ZFPM2: variants seen among roughly 807,000 people sequenced by gnomAD.
ZFPM2 encodes zinc finger protein, FOG family member 2.
ZFPM2 carries 20 observed loss-of-function variants against 98.6 expected under a neutral mutation model. The ratio of observed to expected loss-of-function variants is 0.20; its 90% CI spans 0.14 to 0.29. The LOEUF (loss-of-function observed/expected upper bound fraction) is 0.29, where lower values mean the gene tolerates loss of function less well. Ranked by LOEUF, ZFPM2 falls within the 10% of genes least tolerant of loss-of-function variation. ZFPM2 has a pLI of 1.00. For missense variants in ZFPM2, 1,310 were observed against 1,388.6 expected (o/e 0.94, Z 0.90); for synonymous variants, 518 against 502.7 (o/e 1.03, Z -0.41).
Position 105,658,343 on chromosome 8 carries a change from C to T in ZFPM2, c.532+23986C>T, listed in dbSNP as rs562620753. On this transcript the variant is annotated intron_variant, in intron 5 of 7. Transcript: ENST00000407775. ...GTGGCTCACGCCTGTAATCCCAGCA[C>T]TTTGGGAGGCCGAGGCGGGTGGATC... is the stretch of plus-strand genomic sequence containing the variant. 3.0e-3 allele frequency among the ~76,000 whole-genome samples: 127 copies of T among 42,180 alleles called. 43 individuals are homozygous for T. The highest frequency in any genetic ancestry group is 0.015 in the African/African-American group (121 of 7,828). 27.7% of individuals were successfully genotyped at this position (42,180 alleles called of 152,430 possible). A position where few individuals can be genotyped will look rare whatever the true frequency, so the allele number is the denominator to read the frequency against.
At chr8:105,359,946 T>G (rs1465004029) in intron 1 of ZFPM2, among the ~76,000 whole-genome samples, 1 of 152,208 alleles carries the variant, frequency 6.6e-6, no homozygotes, top group Non-Finnish European at 1.5e-5. Flanking sequence ...GCCCACAGTC[T>G]TCTCTAAGAG....
chr8:105,719,548 A>G (rs1811607774), intron 5 of ZFPM2, among the ~76,000 whole-genome samples: 2 of 151,916 alleles, frequency 1.3e-5, no homozygotes, highest in Admixed American at 1.3e-4. Context: ...ATATTACCTA[A>G]TTTCCCTAAA....
chr8:105,474,866 A>AGCT (rs1204287670), intron 3 of ZFPM2, among the ~76,000 whole-genome samples: 3 of 84,378 alleles, frequency 3.6e-5, no homozygotes, highest in East Asian at 1.1e-3. Flanking sequence ...AAACATCTTT[A>AGCT]GCTTCTTCTT....
chr8:105,724,905 A>G (rs1158211831), intron 5 of ZFPM2, among the ~76,000 whole-genome samples: 1 of 151,662 alleles, frequency 6.6e-6, no homozygotes, highest in Non-Finnish European at 1.5e-5. Flanking sequence ...ATTGTCACAA[A>G]TCTCCAAAAT....
At chr8:105,441,586 C>T (rs143800600) in intron 2 of ZFPM2, among the ~76,000 whole-genome samples, 317 of 152,036 alleles carry the variant, frequency 2.1e-3, no homozygotes, top group African/African-American at 6.1e-3. Context: ...AGGAAGAGAG[C>T]GGATTGGGGC....
chr8:105,511,698 A>G (rs974068555), intron 3 of ZFPM2, among the ~76,000 whole-genome samples: 8 of 152,206 alleles, frequency 5.3e-5, no homozygotes, highest in Admixed American at 4.6e-4. Context: ...CAAGCTAGTA[A>G]TTTATTTTAG....
intron 1 of ZFPM2, among the ~76,000 whole-genome samples, chr8:105,411,089 T>A (rs1481020): frequency 0.25 from 38,330 of 151,676 alleles, 5,073 homozygotes; most frequent in Admixed American, 0.32. Flanking sequence ...TAGATTTTTT[T>A]AAAATTTGCC....
Position 105,423,492 on chromosome 8 carries a change from T to G in ZFPM2, c.199+4190T>G, listed in dbSNP as rs534696527. Among the ~76,000 whole-genome samples the G allele has an allele frequency of 7.9e-5, 12 of 152,356 alleles. No homozygotes were observed. The East Asian group carries it at 2.1e-3, about 27-fold the overall frequency. On this transcript the variant is annotated intron_variant, in intron 2 of 7. Transcript: ENST00000407775. The stretch of plus-strand genomic sequence containing the variant: ...CATTGTCATCTTTTGTTTATGAGTT[T>G]AGAGTACGTGGCATCTTGCCTTACA...
At chr8:105,618,275 A>T (rs949174940) in intron 4 of ZFPM2, among the ~76,000 whole-genome samples, 6 of 152,170 alleles carry the variant, frequency 3.9e-5, no homozygotes, top group Non-Finnish European at 5.9e-5. Context: ...TATGTTTCTT[A>T]TAGATTTGCT....
chr8:105,616,676 T>TAAC, intron 4 of ZFPM2: 1 of 391,846 alleles, frequency 2.6e-6, no homozygotes, highest in Non-Finnish European at 5.1e-6. Context: ...ATAATAATAA[T>TAAC]AATAATAAGG....
rs1664431804 is a variant in ZFPM2, at chr8:105,467,873, A to T, written c.301+23492A>T. ...ATTAAAATCTGTATGCATAAAAAAGACAGTGATTTGGGGTTCATTGGAAGG... is the reference window on the plus strand; with the variant it reads ...ATTAAAATCTGTATGCATAAAAAAGTCAGTGATTTGGGGTTCATTGGAAGG... On this transcript the variant is annotated intron_variant, in intron 3 of 7. Transcript: ENST00000407775. Among the ~76,000 whole-genome samples, 6 of 152,128 alleles carry T rather than the reference A, an allele frequency of 3.9e-5. No individual in the cohort carries two copies. In the South Asian group the frequency reaches 1.2e-3, roughly 32 times the overall value.
chr8:105,529,604 C>G, intron 3 of ZFPM2, among the ~76,000 whole-genome samples: 1 of 120,684 alleles, frequency 8.3e-6, no homozygotes, highest in Non-Finnish European at 1.7e-5. Flanking sequence ...TTTGGAATTT[C>G]TTAAAGTCAC....
At chr8:105,418,452 C>G (rs1411778190) in intron 1 of ZFPM2, 1 of 455,544 alleles carries the variant, frequency 2.2e-6, no homozygotes, top group Non-Finnish European at 4.3e-6. Flanking sequence ...TGTAGCGCAC[C>G]TCACTCTCAT....
intron 1 of ZFPM2, among the ~76,000 whole-genome samples, chr8:105,410,416 CTGT>C (rs1437253722): frequency 6.6e-6 from 1 of 151,840 alleles, no homozygotes; most frequent in Admixed American, 6.6e-5. Context: ...GCTACTGCTT[CTGT>C]TGTTGTTTTA....
chr8:105,519,128 A>C (rs1366484909), intron 3 of ZFPM2, among the ~76,000 whole-genome samples: 1 of 152,162 alleles, frequency 6.6e-6, no homozygotes, highest in Non-Finnish European at 1.5e-5. Context: ...TTTATATGTG[A>C]AAAATACTGA....
At chr8:105,446,223 G>T (rs1341377253) in intron 3 of ZFPM2, among the ~76,000 whole-genome samples, 1 of 152,112 alleles carries the variant, frequency 6.6e-6, no homozygotes, top group Non-Finnish European at 1.5e-5. Context: ...CCCGGCGATA[G>T]TTCCTTATTC....
intron 3 of ZFPM2, among the ~76,000 whole-genome samples, chr8:105,529,973 C>T (rs575197869): frequency 2.0e-5 from 3 of 152,182 alleles, no homozygotes; most frequent in East Asian, 3.9e-4. Context: ...TCAAGTGATC[C>T]ACCTGCCTCG....
intron 2 of ZFPM2, among the ~76,000 whole-genome samples, chr8:105,441,984 T>G (rs1812260422): frequency 6.6e-6 from 1 of 152,092 alleles, no homozygotes; most frequent in South Asian, 2.1e-4. Flanking sequence ...ATGGTGTGCC[T>G]TTATGCTTGC....
intron 3 of ZFPM2, among the ~76,000 whole-genome samples, chr8:105,509,699 T>G (rs1198157601): frequency 6.6e-6 from 1 of 152,106 alleles, no homozygotes; most frequent in Non-Finnish European, 1.5e-5. Flanking sequence ...GAACTTTACA[T>G]TATCCTTTTC....
Sources: gnomAD v4.1 joint callset for allele counts (sites outside exome capture counted in the v4.1 genomes callset) on GRCh38, gnomAD v4.1.1 for gene constraint, MANE v1.5 for transcripts, NCBI Gene and HGNC (gene_info 2026-07-23, HGNC 2026-07-21) for gene names.